THSD4: variants seen among roughly 807,000 people sequenced by gnomAD.
THSD4 encodes thrombospondin type-1 domain-containing protein 4.
THSD4 carries 69 observed loss-of-function variants against 119.0 expected under a neutral mutation model. The ratio of observed to expected loss-of-function variants is 0.58; its 90% CI spans 0.48 to 0.71. The LOEUF (loss-of-function observed/expected upper bound fraction) is 0.71, where lower values mean the gene tolerates loss of function less well. Among genes scored for constraint, THSD4 ranks in the 30% least tolerant of loss-of-function variants. The probability of loss-of-function intolerance (pLI) is 0.00; values close to 1 mark genes in which losing one functional copy is unlikely to be tolerated. For synonymous variants in THSD4, 524 were observed against 540.4 expected (o/e 0.97, Z 0.42); for missense variants, 1,393 against 1,391.1 (o/e 1.00, Z -0.02).
intron 2 of THSD4, among the ~76,000 whole-genome samples, chr15:71,141,813 A>T (rs546541678): frequency 6.6e-6 from 1 of 152,160 alleles, no homozygotes; most frequent in Admixed American, 6.5e-5. Context: ...CTTCAAGAAA[A>T]TTTTTTTAGG....
At chr15:71,145,186 A>G (rs138670902) in intron 2 of THSD4, among the ~76,000 whole-genome samples, 52 of 152,280 alleles carry the variant, frequency 3.4e-4, no homozygotes, top group African/African-American at 1.2e-3. Context: ...CTTTACTTCA[A>G]GGAGTGCTTT....
chr15:71,136,991 C>T (rs1303110095), intron 1 of THSD4, among the ~76,000 whole-genome samples: 1 of 152,170 alleles, frequency 6.6e-6, no homozygotes, highest in African/African-American at 2.4e-5. Context: ...GCTGCCTCCT[C>T]CTGGTGTGTG....
At chr15:71,609,284 T>C (rs1444807461) in intron 7 of THSD4, among the ~76,000 whole-genome samples, 1 of 152,184 alleles carries the variant, frequency 6.6e-6, no homozygotes, top group Non-Finnish European at 1.5e-5. Context: ...CTGCAGGACT[T>C]TCTAAACAGC....
At chr15:71,386,224 A>T (rs914337739) in intron 6 of THSD4, among the ~76,000 whole-genome samples, 19 of 152,194 alleles carry the variant, frequency 1.2e-4, no homozygotes, top group African/African-American at 4.6e-4. Context: ...AAAATCAAAG[A>T]CAAAACAGGC....
chr15:71,462,807 C>G (rs2047446574), intron 7 of THSD4, among the ~76,000 whole-genome samples: 1 of 152,178 alleles, frequency 6.6e-6, no homozygotes, highest in African/African-American at 2.4e-5. Flanking sequence ...GTTTCAAAGT[C>G]CATCTGAAAA....
chr15:71,579,072 T>G (rs972738875), intron 7 of THSD4, among the ~76,000 whole-genome samples: 5 of 151,996 alleles, frequency 3.3e-5, no homozygotes, highest in Middle Eastern at 3.4e-3. Flanking sequence ...CTCGATCTCC[T>G]GACCTCGTGA....
At chr15:71,151,368 T>C (rs1470558408) in intron 2 of THSD4, among the ~76,000 whole-genome samples, 1 of 151,642 alleles carries the variant, frequency 6.6e-6, no homozygotes, top group Non-Finnish European at 1.5e-5. Context: ...AACATGTTTA[T>C]GGAGCTGCAG....
chr15:71,220,090 CAA>C (rs35447924), intron 4 of THSD4, among the ~76,000 whole-genome samples: 5 of 150,488 alleles, frequency 3.3e-5, no homozygotes, highest in South Asian at 2.1e-4. Context: ...CACGTGAGTT[CAA>C]AAAAAAAATT....
chr15:71,754,320 C>A (rs938143100), intron 14 of THSD4, among the ~76,000 whole-genome samples: 7 of 152,072 alleles, frequency 4.6e-5, no homozygotes, highest in African/African-American at 1.7e-4. Context: ...AAACTCCTGA[C>A]CTCAGGTGAT....
chr15:71,577,701 C>T (rs370828183), intron 7 of THSD4, among the ~76,000 whole-genome samples: 4 of 14,470 alleles, frequency 2.8e-4, no homozygotes, highest in African/African-American at 5.1e-4. Context: ...CTGGTGCAAC[C>T]TTTATTTATT....
chr15:71,708,618 A>G (rs930190064), intron 8 of THSD4, among the ~76,000 whole-genome samples: 1 of 152,230 alleles, frequency 6.6e-6, no homozygotes, highest in East Asian at 1.9e-4. Context: ...ATAAGGCATC[A>G]CATATATATA....
intron 7 of THSD4, among the ~76,000 whole-genome samples, chr15:71,517,998 A>G (rs994685323): frequency 6.6e-6 from 1 of 152,224 alleles, no homozygotes; most frequent in Non-Finnish European, 1.5e-5. Flanking sequence ...GTCAAGGAGG[A>G]GAACTGACTA....
chr15:71,393,786 T>C (rs2046408207), intron 6 of THSD4, among the ~76,000 whole-genome samples: 2 of 152,190 alleles, frequency 1.3e-5, no homozygotes, highest in South Asian at 2.1e-4. Flanking sequence ...GGAGTCTCTA[T>C]CTGTGACCTT....
chr15:71,131,040 G>A (rs1208679065), intron 1 of THSD4, among the ~76,000 whole-genome samples: 2 of 152,160 alleles, frequency 1.3e-5, no homozygotes, highest in Non-Finnish European at 2.9e-5. Context: ...CACTGTGCCC[G>A]GCCAATAAAT....
At chr15:71,594,854 A>G (rs529112279) in intron 7 of THSD4, among the ~76,000 whole-genome samples, 1 of 152,330 alleles carries the variant, frequency 6.6e-6, no homozygotes, top group Non-Finnish European at 1.5e-5. Context: ...GGGATATACA[A>G]GGAGCTCGGG....
intron 6 of THSD4, among the ~76,000 whole-genome samples, chr15:71,273,456 A>G (rs1234911772): frequency 6.6e-6 from 1 of 152,166 alleles, no homozygotes; most frequent in Non-Finnish European, 1.5e-5. Context: ...GACAGGAGGA[A>G]AAAGTTTTGG....
chr15:71,371,789 G>A (rs2046053679), intron 6 of THSD4, among the ~76,000 whole-genome samples: 1 of 152,112 alleles, frequency 6.6e-6, no homozygotes, highest in Admixed American at 6.6e-5. Context: ...GTATCTTTGT[G>A]GCATTCTCTG....
At chr15:71,732,674 T>G (rs2053003859) in intron 10 of THSD4, 1 of 152,170 alleles carries the variant, frequency 6.6e-6, no homozygotes, top group East Asian at 1.9e-4. Flanking sequence ...AGCCTTATTT[T>G]AAGAGTAAGG....
At chr15:71,487,039 C>T (rs911452932) in intron 7 of THSD4, among the ~76,000 whole-genome samples, 16 of 152,170 alleles carry the variant, frequency 1.1e-4, no homozygotes, top group African/African-American at 3.9e-4. Context: ...ACCACAGTCT[C>T]AGTTGTGAAC....
Sources: gnomAD v4.1 joint callset for allele counts (sites outside exome capture counted in the v4.1 genomes callset) on GRCh38, gnomAD v4.1.1 for gene constraint, MANE v1.5 for transcripts, NCBI Gene and HGNC (gene_info 2026-07-23, HGNC 2026-07-21) for gene names.